DLGAP1: variants seen among roughly 807,000 people sequenced by gnomAD.
The protein encoded by DLGAP1 is disks large-associated protein 1.
In DLGAP1, 11 loss-of-function variants were observed where a neutral mutation model predicts 90.8. That is an observed-to-expected ratio of 0.12 (90% CI 0.08 to 0.20). The LOEUF (loss-of-function observed/expected upper bound fraction) is 0.20, where lower values mean the gene tolerates loss of function less well. DLGAP1 is among the 10% of genes least tolerant of loss of function. DLGAP1 has a pLI of 1.00. For synonymous variants in DLGAP1, 558 were observed against 540.7 expected, an observed-to-expected ratio of 1.03 and a Z score of -0.44; for missense variants, 1,050 against 1,333.8, an observed-to-expected ratio of 0.79 and a Z score of 3.31.
chr18:3,789,071 C>T lies in DLGAP1; in HGVS notation c.1172+24988G>A, dbSNP rs2065597743. Reference sequence around the variant, plus strand: ...GCCAGCACCTACAGTGCTAGTATATCACAGAAGAAACAGATGGATATTATG... The same window carrying T: ...GCCAGCACCTACAGTGCTAGTATATTACAGAAGAAACAGATGGATATTATG... On this transcript the variant is annotated intron_variant, in intron 5 of 12. Coordinates refer to ENST00000315677, the MANE Select transcript of DLGAP1 (RefSeq NM_004746.4). Among the ~76,000 whole-genome samples, 3 of 152,308 alleles carry T rather than the reference C, an allele frequency of 2.0e-5. No individual in the cohort carries two copies. The South Asian group carries it at 6.2e-4, about 32-fold the overall frequency.
intron 1 of DLGAP1, among the ~76,000 whole-genome samples, chr18:4,190,807 A>G (rs1029842583): frequency 2.6e-5 from 4 of 152,150 alleles, no homozygotes; most frequent in Non-Finnish European, 5.9e-5. Context: ...TTCTGTCCAC[A>G]TAAGTTCCAA....
intron 2 of DLGAP1, among the ~76,000 whole-genome samples, chr18:4,097,321 A>C (rs763059610): frequency 6.6e-6 from 1 of 152,018 alleles, no homozygotes; most frequent in Non-Finnish European, 1.5e-5. Flanking sequence ...GGCACTTTCC[A>C]TCTTCCCCAT....
At chr18:3,527,011 G>A (rs988915427) in intron 10 of DLGAP1, among the ~76,000 whole-genome samples, 2 of 152,052 alleles carry the variant, frequency 1.3e-5, no homozygotes, top group African/African-American at 4.8e-5. Flanking sequence ...TCGACGGTTG[G>A]GGTTGAAGGT....
At chr18:3,524,845 C>T (rs1159827666) in intron 10 of DLGAP1, among the ~76,000 whole-genome samples, 1 of 152,218 alleles carries the variant, frequency 6.6e-6, no homozygotes, top group African/African-American at 2.4e-5. Context: ...TTTCCCCAAC[C>T]TACTGCCCAG....
At chr18:3,914,585 T>C (rs11872374) in intron 3 of DLGAP1, among the ~76,000 whole-genome samples, 13,109 of 152,146 alleles carry the variant, frequency 0.086, 908 homozygotes, top group African/African-American at 0.19. Flanking sequence ...CCTTTGGAAG[T>C]TGGATTACTG....
intron 1 of DLGAP1, among the ~76,000 whole-genome samples, chr18:4,388,078 T>C (rs970481931): frequency 6.6e-6 from 1 of 151,948 alleles, no homozygotes; most frequent in Non-Finnish European, 1.5e-5. Flanking sequence ...GGGTCAGCAG[T>C]GTGGAGGACG....
rs553991643 is a variant in DLGAP1 at position 4,265,698 on chromosome 18, T to C, written c.-266-114411A>G. On this transcript the variant is annotated intron_variant, in intron 1 of 12. Transcript: ENST00000315677. Reference sequence around the variant, plus strand: ...CTTCCTTCCTTCCTTCCTTCCTTCCTTCCCTCCTCTCTTCAGTGTCTCACT... The same window carrying C: ...CTTCCTTCCTTCCTTCCTTCCTTCCCTCCCTCCTCTCTTCAGTGTCTCACT... Among the ~76,000 whole-genome samples, 305 of 118,078 alleles carry C rather than the reference T, an allele frequency of 2.6e-3. 4 individuals carry two copies. The highest frequency in any genetic ancestry group is 9.5e-3 in the African/African-American group (249 of 26,078). The allele number at this position is 118,078 out of a possible 152,430, so 77.5% of individuals were successfully genotyped here. A position where few individuals can be genotyped will look rare whatever the true frequency, so the allele number is the denominator to read the frequency against.
At chr18:3,615,156 A>T (rs1157142606) in intron 7 of DLGAP1, among the ~76,000 whole-genome samples, 7 of 152,046 alleles carry the variant, frequency 4.6e-5, no homozygotes, top group African/African-American at 1.7e-4. Flanking sequence ...TCCTGACCTC[A>T]TGTGATCCGC....
chr18:4,225,208 G>T (rs2078160482), intron 1 of DLGAP1, among the ~76,000 whole-genome samples: 1 of 152,108 alleles, frequency 6.6e-6, no homozygotes, highest in Non-Finnish European at 1.5e-5. Context: ...CTATGAGGCT[G>T]GAAGAGTCAC....
intron 1 of DLGAP1, among the ~76,000 whole-genome samples, chr18:4,269,492 T>C (rs1204993574): frequency 6.6e-6 from 1 of 151,790 alleles, no homozygotes. Flanking sequence ...TAGCTGGGAC[T>C]ACAGGAGCCC....
At chr18:4,087,520 G>A (rs1271336875) in intron 2 of DLGAP1, among the ~76,000 whole-genome samples, 1 of 152,104 alleles carries the variant, frequency 6.6e-6, no homozygotes, top group Non-Finnish European at 1.5e-5. Context: ...AATACTTTTA[G>A]TAAATCTTAT....
intron 7 of DLGAP1, among the ~76,000 whole-genome samples, chr18:3,600,973 G>GATATAGAT (rs2056967065): frequency 1.0e-4 from 11 of 109,050 alleles, no homozygotes; most frequent in Middle Eastern, 4.4e-3. Flanking sequence ...TATATAGATA[G>GATATAGAT]ATATATAGAT....
intron 1 of DLGAP1, among the ~76,000 whole-genome samples, chr18:4,247,085 A>G (rs1015887797): frequency 6.6e-6 from 1 of 152,120 alleles, no homozygotes; most frequent in African/African-American, 2.4e-5. Context: ...GACAAGGAGG[A>G]GAAGGAAGGG....
chr18:4,061,323 TTAGA>T (rs1231845724), intron 2 of DLGAP1, among the ~76,000 whole-genome samples: 2 of 152,146 alleles, frequency 1.3e-5, no homozygotes, highest in Non-Finnish European at 2.9e-5. Flanking sequence ...TTGTTTTAAG[TTAGA>T]TAGGATAAAG....
chr18:4,389,152 T>C (rs963580702), intron 1 of DLGAP1, among the ~76,000 whole-genome samples: 3 of 152,156 alleles, frequency 2.0e-5, no homozygotes, highest in Admixed American at 6.5e-5. Flanking sequence ...ATATGATATA[T>C]AGAAACTATG....
Position 3,552,431 on chromosome 18 carries a change from C to T in DLGAP1, c.2057+15059G>A, listed in dbSNP as rs114415404. On this transcript the variant is annotated intron_variant, in intron 9 of 12. Coordinates refer to ENST00000315677, the MANE Select transcript of DLGAP1 (RefSeq NM_004746.4). ...CTCACTGTAGGGTGATCTGGCTGGG[C>T]TTTCATCTTGCAAAATCCCGGATGT... is the stretch of plus-strand genomic sequence containing the variant. Among the ~76,000 whole-genome samples, 814 of 152,214 alleles carry T rather than the reference C, an allele frequency of 5.3e-3. 6 individuals are homozygous for T. The highest frequency in any genetic ancestry group is 0.018 in the African/African-American group (763 of 41,542).
At chr18:3,892,826 C>T (rs2071506932) in intron 3 of DLGAP1, among the ~76,000 whole-genome samples, 1 of 151,154 alleles carries the variant, frequency 6.6e-6, no homozygotes, top group Non-Finnish European at 1.5e-5. Flanking sequence ...TGTGCAATTC[C>T]TGTTCCATAT....
chr18:4,419,058 T>A (rs1335410311), intron 1 of DLGAP1, among the ~76,000 whole-genome samples: 1 of 151,804 alleles, frequency 6.6e-6, no homozygotes, highest in South Asian at 2.1e-4. Context: ...GACAATGGAG[T>A]GCTAAAAAAA....
At chr18:4,432,589 AGTGTGT>A (rs545618675) in intron 1 of DLGAP1, among the ~76,000 whole-genome samples, 306 of 111,450 alleles carry the variant, frequency 2.7e-3, no homozygotes, top group African/African-American at 6.4e-3. Context: ...CACCTCACAT[AGTGTGT>A]GTGTGTGTGT....
Sources: allele counts gnomAD v4.1 joint callset (sites outside exome capture counted in the v4.1 genomes callset), GRCh38; gene constraint gnomAD v4.1.1; transcripts MANE v1.5; gene names NCBI Gene and HGNC (gene_info 2026-07-23, HGNC 2026-07-21).